Variants in DOHH observed in about 807,000 individuals in gnomAD.
The protein encoded by DOHH is HEAT-like (PBS lyase) repeat containing 1.
Under a neutral mutation model 19.9 loss-of-function variants are expected in DOHH, and 16 were observed. The ratio of observed to expected loss-of-function variants is 0.80; its 90% CI spans 0.54 to 1.22. The LOEUF (loss-of-function observed/expected upper bound fraction) is 1.22. Among genes scored for constraint, DOHH ranks in the 50% most tolerant of loss-of-function variants. The probability of loss-of-function intolerance (pLI) is 0.00; values close to 1 mark genes in which losing one functional copy is unlikely to be tolerated. For synonymous variants in DOHH, 233 were observed against 217.0 expected, an observed-to-expected ratio of 1.07 and a Z score of -0.65; for missense variants, 460 against 460.6, an observed-to-expected ratio of 1.00 and a Z score of 0.01.
Position 3,496,714 on chromosome 19 carries a change from A to G in DOHH, c.101T>C (p.Leu34Pro). ...CCATGCAATGGCGCCTGGGCCGCCG[A>G]GCCCACGCAGCGTGAACAGCGCCCG... Reference protein sequence around the residue: ...RFRALFTLRGLGGPGAIAWIS... With the variant: ...RFRALFTLRGPGGPGAIAWIS... Residue 34 changes from leucine to proline, a missense_variant, in exon 2 of 5, where the codon CTC (leucine) becomes CCC (proline). Physicochemically the swap from Leu to Pro is moderately conservative, Grantham distance 98. Transcript: ENST00000427575. The surrounding 1 kb of genome is among the most constrained non-coding windows in gnomAD (Gnocchi z 4.8). 6.2e-7 allele frequency: 1 copy of G among 1,613,344 alleles called. No homozygotes were observed. The highest frequency in any genetic ancestry group is 8.5e-7 in the Non-Finnish European group (1 of 1,179,916).
chr19:3,492,448 G>A lies in DOHH; in HGVS notation c.403C>T (p.His135Tyr), dbSNP rs1220721968. 2.0e-6 allele frequency: 3 copies of A among 1,473,230 alleles called. No individual in the cohort carries two copies. The highest frequency in any genetic ancestry group is 2.7e-6 in the Non-Finnish European group (3 of 1,118,708). The allele number at this position is 1,473,230 out of a possible 1,614,324, so 91.3% of individuals were successfully genotyped here. Residue 135 changes from histidine (H) to tyrosine (Y), a missense_variant, in exon 4 of 5, where the codon CAC becomes TAC. His to Tyr is a moderately conservative substitution (Grantham distance 83, BLOSUM62 2). Coordinates refer to ENST00000427575, the MANE Select transcript of DOHH (RefSeq NM_001145165.2). ...GGTCCCGCCGCCGGCTCCCCGCCGT[G>A]CTGCTGCAGCCACTCCAGCCTGCGC... ...AVRRLEWLQQ[H>Y]GGEPAAGPYL... is the part of the protein sequence containing the mutation.
In DOHH at chr19:3,491,805, T is replaced by C. The variant is rs969580473; in HGVS notation, c.596A>G (p.His199Arg). ...GTGGCGGAAGAGGGCGCTCCCACAG[T>C]GCAGACCTGCAGGGGAGAGGGACAC... Reference protein sequence around the residue: ...EAALALAEGLHCGSALFRHEV... With the variant: ...EAALALAEGLRCGSALFRHEV... The change falls in exon 5 of 5, where the codon CAC becomes CGC. Residue 199 changes from histidine to arginine, a missense_variant. His to Arg is a conservative substitution (Grantham distance 29). Transcript: ENST00000427575. This position sits in a 1 kb window ranked among gnomAD's most constrained non-coding sequence, Gnocchi z 5.6. 32 of 1,472,992 alleles carry C rather than the reference T, an allele frequency of 2.2e-5. No homozygotes were observed. The highest frequency in any genetic ancestry group is 2.8e-5 in the Admixed American group (1 of 35,986). 91.2% of individuals were successfully genotyped at this position (1,472,992 alleles called of 1,614,324 possible).
Position 3,492,411 on chromosome 19 carries a change from A to C in DOHH, c.440T>G (p.Val147Gly). Residue 147 changes from valine (V) to glycine (G), a missense_variant, in exon 4 of 5, where the codon GTG (valine) becomes GGG (glycine). Coordinates refer to ENST00000427575, the MANE Select transcript of DOHH (RefSeq NM_001145165.2). ...CTCCTCAGCCGGCGGGGCAGGGTCC[A>C]CGGAGAGGTAGGGTCCCGCCGCCGG... The part of the protein sequence containing the change: ...GEPAAGPYLS[V>G]DPAPPAEERD... 3 of 1,520,946 alleles carry C rather than the reference A, an allele frequency of 2.0e-6. No homozygotes were observed. Among genetic ancestry groups the C allele is most frequent in the Non-Finnish European group, 2.6e-6 (3 of 1,140,942 alleles). The allele number at this position is 1,520,946 out of a possible 1,614,324, so 94.2% of individuals were successfully genotyped here. A position where few individuals can be genotyped will look rare whatever the true frequency, so the allele number is the denominator to read the frequency against.
intron 1 of DOHH, among the ~76,000 whole-genome samples, chr19:3,499,956 T>G (rs2122078458): frequency 6.6e-6 from 1 of 152,266 alleles, no homozygotes; most frequent in Non-Finnish European, 1.5e-5. Context: ...GAGGCACAGT[T>G]TGGGACTGTG....
At chr19:3,497,590 C>T (rs867680099) in intron 1 of DOHH, among the ~76,000 whole-genome samples, 30 of 152,122 alleles carry the variant, frequency 2.0e-4, no homozygotes, top group African/African-American at 5.6e-4. Flanking sequence ...CAACTGTGTG[C>T]GACACTGTTT....
At position 3,494,315 on chromosome 19, in the gene DOHH, C is replaced by T. The variant is rs12611371; in HGVS notation, c.275-211G>A. Reference sequence around the variant, plus strand: ...CCCAGAGCAAGGCACTGCCTGGAACCGCACCTGGCTGCCGCTCAGAGCAAA... The same window carrying T: ...CCCAGAGCAAGGCACTGCCTGGAACTGCACCTGGCTGCCGCTCAGAGCAAA... On this transcript the variant is annotated intron_variant, in intron 2 of 4. Coordinates refer to ENST00000427575, the MANE Select transcript of DOHH (RefSeq NM_001145165.2). Among the ~76,000 whole-genome samples the T allele has an allele frequency of 1.0e-3, 156 of 152,290 alleles. 3 individuals carry two copies. The East Asian group carries it at 0.027, about 27-fold the overall frequency.
intron 3 of DOHH, among the ~76,000 whole-genome samples, chr19:3,493,421 A>G (rs1051928284): frequency 6.6e-6 from 1 of 152,194 alleles, no homozygotes; most frequent in African/African-American, 2.4e-5. Context: ...CATCCTGGCT[A>G]ACATGGTGAA....
Position 3,491,425 on chromosome 19 carries a change from G to T in DOHH, c.*67C>A. ...CGATTTACACACACCCGGTTTAGAC[G>T]CCAAAGCTCTGCGGGGGAGGAGCGG... On this transcript the variant is annotated 3_prime_UTR_variant, in exon 5 of 5. Transcript: ENST00000427575. This position sits in a 1 kb window ranked among gnomAD's most constrained non-coding sequence, Gnocchi z 5.6. The T allele has an allele frequency of 2.1e-6, 3 of 1,459,874 alleles. No individual in the cohort carries two copies. The highest frequency in any genetic ancestry group is 2.7e-6 in the Non-Finnish European group (3 of 1,099,000). The allele number at this position is 1,459,874 out of a possible 1,614,324, so 90.4% of individuals were successfully genotyped here.
Position 3,491,704 on chromosome 19 carries a change from T to C in DOHH, c.697A>G (p.Thr233Ala), listed in dbSNP as rs2122051839. Residue 233 changes from threonine (T) to alanine (A), a missense_variant, in exon 5 of 5, where the codon ACC becomes GCC. Thr to Ala is a moderately conservative substitution (Grantham distance 58). Transcript: ENST00000427575. The surrounding 1 kb of genome is among the most constrained non-coding windows in gnomAD (Gnocchi z 5.6). Reference protein sequence around the residue: ...PQLAAALARCTENPMVRHECA... With the variant: ...PQLAAALARCAENPMVRHECA... ...TCGTGCCGCACCATGGGGTTCTCGG[T>C]GCATCGGGCCAGGGCGGCCGCCAGC... The C allele has an allele frequency of 6.6e-7, 1 of 1,525,890 alleles. No homozygotes were observed. Among genetic ancestry groups the C allele is most frequent in the African/African-American group, 1.4e-5 (1 of 71,424 alleles). The allele number at this position is 1,525,890 out of a possible 1,614,324, so 94.5% of individuals were successfully genotyped here.
chr19:3,498,525 C>G (rs922350019), intron 1 of DOHH, among the ~76,000 whole-genome samples: 3 of 152,122 alleles, frequency 2.0e-5, no homozygotes, highest in African/African-American at 7.2e-5. Flanking sequence ...CCTGCCTCAG[C>G]CTCCCGAGTA....
intron 2 of DOHH, among the ~76,000 whole-genome samples, chr19:3,494,436 G>A (rs1403694824): frequency 6.6e-6 from 1 of 152,236 alleles, no homozygotes; most frequent in Non-Finnish European, 1.5e-5. Context: ...GAACCCAGGA[G>A]GTCGGGGGTG....
In DOHH at chr19:3,491,952, C is replaced by T; in HGVS notation, c.590-141G>A. 9.8e-7 allele frequency: 1 copy of T among 1,024,896 alleles called. No individual in the cohort carries two copies. The highest frequency in any genetic ancestry group is 1.7e-5 in the African/African-American group (1 of 58,318). The allele number at this position is 1,024,896 out of a possible 1,614,324, so 63.5% of individuals were successfully genotyped here. ...CTTCCCATCCCGGCCTCCCAAAGTGCTGGGACGACAGGCGTGAGCCACCAC... is the reference window on the plus strand; with the variant it reads ...CTTCCCATCCCGGCCTCCCAAAGTGTTGGGACGACAGGCGTGAGCCACCAC... On this transcript the variant is annotated intron_variant, in intron 4 of 4. Coordinates refer to ENST00000427575, the MANE Select transcript of DOHH (RefSeq NM_001145165.2). The surrounding 1 kb of genome is among the most constrained non-coding windows in gnomAD (Gnocchi z 5.6).
In DOHH at chr19:3,491,887, C is replaced by T. The variant is rs2082872642; in HGVS notation, c.590-76G>A. The T allele has an allele frequency of 7.5e-7, 1 of 1,327,200 alleles. No individual in the cohort carries two copies. Among genetic ancestry groups the T allele is most frequent in the Non-Finnish European group, 9.8e-7 (1 of 1,015,428 alleles). The allele number at this position is 1,327,200 out of a possible 1,614,324, so 82.2% of individuals were successfully genotyped here. Reference sequence around the variant, plus strand: ...CTCTGTCTTTTCGAAGACATGGGGTCTTGCTATCTTGCCCAGGCAGGTCAC... The same window carrying T: ...CTCTGTCTTTTCGAAGACATGGGGTTTTGCTATCTTGCCCAGGCAGGTCAC... On this transcript the variant is annotated intron_variant, in intron 4 of 4. Coordinates refer to ENST00000427575, the MANE Select transcript of DOHH (RefSeq NM_001145165.2). This position sits in a 1 kb window ranked among gnomAD's most constrained non-coding sequence, Gnocchi z 5.6.
Position 3,491,202 on chromosome 19 carries a change from C to G in DOHH, c.*290G>C. On this transcript the variant is annotated 3_prime_UTR_variant, in exon 5 of 5. Transcript: ENST00000427575. This position sits in a 1 kb window ranked among gnomAD's most constrained non-coding sequence, Gnocchi z 5.6. Reference sequence around the variant, plus strand: ...TCCCCTGGCTTCCCTCGCAATCCTCCCCTGTCCTGAGCCGGGCATCCCAGA... The same window carrying G: ...TCCCCTGGCTTCCCTCGCAATCCTCGCCTGTCCTGAGCCGGGCATCCCAGA... 1 of 517,142 alleles carries G rather than the reference C, an allele frequency of 1.9e-6. No individual in the cohort carries two copies. Among genetic ancestry groups the G allele is most frequent in the Admixed American group, 3.9e-5 (1 of 25,438 alleles). 32.0% of individuals were successfully genotyped at this position (517,142 alleles called of 1,614,324 possible). A position where few individuals can be genotyped will look rare whatever the true frequency, so the allele number is the denominator to read the frequency against.
intron 3 of DOHH, among the ~76,000 whole-genome samples, chr19:3,493,037 C>T (rs1283891762): frequency 1.3e-5 from 2 of 152,220 alleles, no homozygotes; most frequent in East Asian, 1.9e-4. Context: ...GAGAAAGGAA[C>T]ATGCATGTCC....
intron 3 of DOHH, among the ~76,000 whole-genome samples, chr19:3,493,610 C>CAA (rs577983387): frequency 1.1e-4 from 16 of 139,564 alleles, no homozygotes; most frequent in African/African-American, 2.6e-4. Context: ...GACACCGTCT[C>CAA]AAAAAAAAAA....
rs576004061 is a variant in DOHH at position 3,498,553 on chromosome 19, G to A, written c.-72-1667C>T. Among the ~76,000 whole-genome samples, 297 of 152,142 alleles carry A rather than the reference G, an allele frequency of 2.0e-3. 3 individuals carry two copies. Among genetic ancestry groups the A allele is most frequent in the African/African-American group, 6.3e-3 (260 of 41,482 alleles). The stretch of plus-strand genomic sequence containing the variant: ...CCCGAGTATCTGGGATTATAGGCAT[G>A]CACCACCATGCCCGGCTAATTTTGT... On this transcript the variant is annotated intron_variant, in intron 1 of 4. Coordinates refer to ENST00000427575, the MANE Select transcript of DOHH (RefSeq NM_001145165.2).
intron 1 of DOHH, among the ~76,000 whole-genome samples, 157 bp from the exon 2 acceptor site, chr19:3,497,043 C>T (rs532523108): frequency 6.8e-4 from 103 of 152,316 alleles, no homozygotes; most frequent in Non-Finnish European, 1.0e-3. Context: ...TGCAGCCTTC[C>T]GTAAGTTGCT....
chr19:3,496,921 C>A lies in DOHH; in HGVS notation c.-72-35G>T. On this transcript the variant is annotated intron_variant, in intron 1 of 4. Coordinates refer to ENST00000427575, the MANE Select transcript of DOHH (RefSeq NM_001145165.2). This position sits in a 1 kb window ranked among gnomAD's most constrained non-coding sequence, Gnocchi z 4.8. ...AAAAATGAGAGCCCAGGTTAGAAGC[C>A]CCCTTCACCAGTGCGTTGTCTGTTC... The A allele has an allele frequency of 7.5e-7, 1 of 1,332,762 alleles. No individual in the cohort carries two copies. Among genetic ancestry groups the A allele is most frequent in the Non-Finnish European group, 9.7e-7 (1 of 1,033,176 alleles). The allele number at this position is 1,332,762 out of a possible 1,614,324, so 82.6% of individuals were successfully genotyped here. A position where few individuals can be genotyped will look rare whatever the true frequency, so the allele number is the denominator to read the frequency against.
Sources: allele counts gnomAD v4.1 joint callset (sites outside exome capture counted in the v4.1 genomes callset), GRCh38; gene constraint gnomAD v4.1.1; non-coding constraint Gnocchi (gnomAD v3.1); transcripts MANE v1.5; gene names NCBI Gene and HGNC (gene_info 2026-07-23, HGNC 2026-07-21).